The following SMS variants were observed in gnomAD, a reference collection of about 807,000 sequenced individuals.
The protein encoded by SMS is spermidine aminopropyltransferase.
In SMS, 3 loss-of-function variants were observed where a neutral mutation model predicts 33.0. The observed-to-expected ratio is 0.09, with a 90% CI of 0.04 to 0.23. SMS has a LOEUF of 0.23. SMS is among the 10% of genes least tolerant of loss of function. SMS has a pLI of 1.00. For missense variants in SMS, 117 were observed against 288.6 expected (o/e 0.41, Z 4.31); for synonymous variants, 103 against 112.2 (o/e 0.92, Z 0.52).
At chrX:21,969,814 CGTT>C (rs752316698) in intron 2 of SMS, among the ~76,000 whole-genome samples, 7 of 112,602 alleles carry the variant, frequency 6.2e-5, no homozygotes, top group East Asian at 5.6e-4. Flanking sequence ...TTAGGGTTTT[CGTT>C]GTTGTTGTTG....
At chrX:21,953,612 C>G (rs1321928611) in intron 1 of SMS, among the ~76,000 whole-genome samples, 1 of 112,232 alleles carries the variant, frequency 8.9e-6, no homozygotes, top group Non-Finnish European at 1.9e-5. Context: ...CTTACACATT[C>G]TTTAATTTCT....
At position 21,987,058 on chromosome X, in the gene SMS, C is replaced by A. The variant is rs1032069920; in HGVS notation, c.945+1835C>A. ...TTTCCCAGGCTGGAGTGCAATGGCG[C>A]GATCTCAGCTCACCGCAACCTCCAC... On this transcript the variant is annotated intron_variant, in intron 9 of 10. Coordinates refer to ENST00000404933, the MANE Select transcript of SMS (RefSeq NM_004595.5). 3.0e-5 allele frequency among the ~76,000 whole-genome samples: 3 copies of A among 101,483 alleles called. No individual in the cohort carries two copies. The South Asian group carries it at 1.4e-3, about 46-fold the overall frequency. The allele number at this position is 101,483 out of a possible 115,157, so 88.1% of individuals were successfully genotyped here.
intron 9 of SMS, 143 bp downstream of exon 9, chrX:21,985,366 G>C (rs371640166): frequency 1.8e-5 from 8 of 436,970 alleles, no homozygotes; most frequent in East Asian, 4.5e-5. Flanking sequence ...AAGCTTCTAC[G>C]TTGACCTGTT....
At chrX:21,964,896 C>A (rs777019936) in intron 1 of SMS, among the ~76,000 whole-genome samples, 9 of 112,051 alleles carry the variant, frequency 8.0e-5, no homozygotes, top group South Asian at 7.4e-4. Flanking sequence ...TATTCTCTCA[C>A]AGCTCTGGAG....
chrX:21,941,471 A>G (rs1357595748), intron 1 of SMS: 3 of 134,690 alleles, frequency 2.2e-5, no homozygotes, highest in African/African-American at 9.7e-5. Context: ...CCGACTGCGT[A>G]GGAGACGGAT....
At chrX:21,951,150 C>G (rs6633492) in intron 1 of SMS, among the ~76,000 whole-genome samples, 46,246 of 111,036 alleles carry the variant, frequency 0.42, 8,696 homozygotes, top group African/African-American at 0.73. Flanking sequence ...ACTGGCATGA[C>G]ATGGTATCTC....
intron 1 of SMS, among the ~76,000 whole-genome samples, chrX:21,964,127 C>T (rs759974420): frequency 7.8e-4 from 77 of 99,273 alleles, no homozygotes; most frequent in African/African-American, 2.6e-3. Context: ...GGATATAATT[C>T]AGACCTTCGC....
chrX:21,967,457 C>T, intron 2 of SMS, 141 bp downstream of exon 2: 2 of 622,880 alleles, frequency 3.2e-6, no homozygotes, highest in African/African-American at 2.2e-5. Context: ...TGGTGCTTCT[C>T]AACCGTAGCT....
chrX:21,977,872 G>T, intron 5 of SMS, 88 bp from the exon 6 acceptor site: 3 of 923,263 alleles, frequency 3.2e-6, no homozygotes, highest in Non-Finnish European at 4.7e-6. Context: ...TTACATTTTG[G>T]TCTAGATCCC....
At chrX:21,989,934 G>T (rs1925647362) in intron 9 of SMS, among the ~76,000 whole-genome samples, 2 of 110,729 alleles carry the variant, frequency 1.8e-5, no homozygotes, top group African/African-American at 6.6e-5. Flanking sequence ...GAAGAGATGG[G>T]ATTTCACCAT....
intron 4 of SMS, among the ~76,000 whole-genome samples, chrX:21,975,899 C>T (rs754398921): frequency 5.6e-4 from 62 of 110,150 alleles, no homozygotes; most frequent in Non-Finnish European, 1.1e-3. Flanking sequence ...TACGTCAGGC[C>T]GCATATCCCA....
chrX:21,954,730 TA>T (rs201219562), intron 1 of SMS, among the ~76,000 whole-genome samples: 1,374 of 112,219 alleles, frequency 0.012, 27 homozygotes, highest in African/African-American at 0.042. Context: ...ATAAATGTGA[TA>T]TTTTTTTTTG....
chrX:21,951,787 T>C (rs1244894299), intron 1 of SMS, among the ~76,000 whole-genome samples: 1 of 109,460 alleles, frequency 9.1e-6, no homozygotes, highest in African/African-American at 3.3e-5. Flanking sequence ...GTGGAGTTCC[T>C]GTAATTTATT....
chrX:21,944,554 A>C (rs1922077698), intron 1 of SMS, among the ~76,000 whole-genome samples: 1 of 107,495 alleles, frequency 9.3e-6, no homozygotes, highest in Non-Finnish European at 1.9e-5. Flanking sequence ...AAGAAAAAAA[A>C]TTAGCCAGGT....
At chrX:21,966,810 T>C (rs752700522) in intron 1 of SMS, among the ~76,000 whole-genome samples, 2 of 111,893 alleles carry the variant, frequency 1.8e-5, no homozygotes, top group South Asian at 3.7e-4. Context: ...AAGTGGAATC[T>C]CATTTGTTGT....
chrX:21,972,101 T>G, intron 3 of SMS, 111 bp downstream of exon 3: 1 of 574,361 alleles, frequency 1.7e-6, no homozygotes, highest in Non-Finnish European at 3.0e-6. Flanking sequence ...TTTTAAACTT[T>G]CCTCCCTCCA....
chrX:21,940,724 G>GGGCGC lies in SMS; in HGVS notation c.-100_-96dup. On this transcript the variant is annotated 5_prime_UTR_variant, in exon 1 of 11. Transcript: ENST00000404933. ...CCCACCTCCTAGTCCTGGCCTCCCCGGGCGCAGCACACTCCCAGCCGGCCG... is the reference window on the plus strand; with the variant it reads ...CCCACCTCCTAGTCCTGGCCTCCCCGGGCGCGGCGCAGCACACTCCCAGCCGGCCG... 3 of 654,350 alleles carry GGGCGC rather than the reference G, an allele frequency of 4.6e-6. No homozygotes were observed. The highest frequency in any genetic ancestry group is 6.6e-6 in the Non-Finnish European group (3 of 453,377). 53.9% of individuals were successfully genotyped at this position (654,350 alleles called of 1,213,427 possible). A position where few individuals can be genotyped will look rare whatever the true frequency, so the allele number is the denominator to read the frequency against.
intron 8 of SMS, among the ~76,000 whole-genome samples, chrX:21,984,825 G>A (rs899338305): frequency 9.0e-6 from 1 of 111,476 alleles, no homozygotes; most frequent in African/African-American, 3.3e-5. Context: ...AGTTCCTGCT[G>A]AGTTTGCAGG....
intron 1 of SMS, chrX:21,941,378 C>T: frequency 4.3e-6 from 1 of 234,058 alleles, no homozygotes; most frequent in South Asian, 4.1e-5. Flanking sequence ...GTAAATTTCC[C>T]TCTTGGGGGC....
Sources: allele counts gnomAD v4.1 joint callset (sites outside exome capture counted in the v4.1 genomes callset), GRCh38; gene constraint gnomAD v4.1.1; transcripts MANE v1.5; gene names NCBI Gene and HGNC (gene_info 2026-07-23, HGNC 2026-07-21).